USP34: variants seen among roughly 807,000 people sequenced by gnomAD.
The protein encoded by USP34 is ubiquitin carboxyl-terminal hydrolase 34.
A neutral mutation model predicts 460.3 loss-of-function variants in USP34; 70 were observed. The ratio of observed to expected loss-of-function variants is 0.15; its 90% CI spans 0.13 to 0.19. The LOEUF (loss-of-function observed/expected upper bound fraction) is 0.19, where lower values mean the gene tolerates loss of function less well. USP34 is among the 10% of genes least tolerant of loss of function. USP34 has a pLI of 1.00. For missense variants in USP34, 3,985 were observed against 4,236.2 expected (o/e 0.94, Z 1.65); for synonymous variants, 1,647 against 1,405.3 (o/e 1.17, Z -3.85).
intron 10 of USP34, among the ~76,000 whole-genome samples, chr2:61,360,599 T>C (rs1434819910): frequency 6.6e-6 from 1 of 152,232 alleles, no homozygotes; most frequent in Non-Finnish European, 1.5e-5. Flanking sequence ...AAAAATATCA[T>C]TAAAAGTCCA....
intron 2 of USP34, among the ~76,000 whole-genome samples, chr2:61,406,690 T>A (rs1475691665): frequency 1.5e-5 from 2 of 135,648 alleles, no homozygotes; most frequent in Non-Finnish European, 3.1e-5. Context: ...TAAAAAAAAA[T>A]ATATGTGTAT....
At chr2:61,273,831 T>C (rs1455096665) in intron 41 of USP34, among the ~76,000 whole-genome samples, 2 of 152,020 alleles carry the variant, frequency 1.3e-5, no homozygotes, top group African/African-American at 4.8e-5. Context: ...GAAATACATA[T>C]GGTAGTTTAT....
At chr2:61,429,318 G>C (rs1278546826) in intron 1 of USP34, among the ~76,000 whole-genome samples, 1 of 152,090 alleles carries the variant, frequency 6.6e-6, no homozygotes, top group African/African-American at 2.4e-5. Flanking sequence ...ATGGTGGTGG[G>C]CACCTGTAGT....
chr2:61,294,369 A>ACG (rs1689958544), intron 32 of USP34, among the ~76,000 whole-genome samples: 1 of 151,670 alleles, frequency 6.6e-6, no homozygotes, highest in African/African-American at 2.4e-5. Context: ...TTATACACAC[A>ACG]CACACGAAAA....
At chr2:61,413,209 C>T (rs1694094522) in intron 2 of USP34, among the ~76,000 whole-genome samples, 4 of 151,830 alleles carry the variant, frequency 2.6e-5, no homozygotes, top group Admixed American at 2.6e-4. Context: ...TCCTGGCCAA[C>T]ACGGTGAAAC....
chr2:61,454,910 A>C (rs1419461918), intron 1 of USP34, among the ~76,000 whole-genome samples: 1 of 126,932 alleles, frequency 7.9e-6, no homozygotes, highest in Non-Finnish European at 1.6e-5. Context: ...GATGAGTCTC[A>C]CTAGTCGCCC....
At chr2:61,346,909 G>T (rs547334818) in intron 15 of USP34, among the ~76,000 whole-genome samples, 2 of 150,936 alleles carry the variant, frequency 1.3e-5, no homozygotes, top group Non-Finnish European at 2.9e-5. Context: ...AGGCCGAGGC[G>T]GGCAGATCAT....
intron 75 of USP34, among the ~76,000 whole-genome samples, chr2:61,202,551 T>A (rs1687005278): frequency 6.6e-6 from 1 of 152,214 alleles, no homozygotes; most frequent in South Asian, 2.1e-4. Context: ...GCAGAGACAA[T>A]ATTACTAAAG....
At chr2:61,416,586 T>G (rs1046185548) in intron 2 of USP34, among the ~76,000 whole-genome samples, 5 of 152,148 alleles carry the variant, frequency 3.3e-5, no homozygotes, top group Admixed American at 2.0e-4. Context: ...AATCAACACT[T>G]AACAACATGA....
At position 61,257,119 on chromosome 2, in the gene USP34, A is replaced by C. The variant is rs1435026984; in HGVS notation, c.5992-11T>G. On this transcript the variant is annotated splice_polypyrimidine_tract_variant and intron_variant, in intron 45 of 79. Transcript: ENST00000398571. ...TTTGACGGTATTTTTCTTTAATATA[A>C]AACAAACAAAAAATAAGAAACTAGT... is the stretch of plus-strand genomic sequence containing the variant. 1 of 1,573,044 alleles carries C rather than the reference A, an allele frequency of 6.4e-7. No homozygotes were observed. The highest frequency in any genetic ancestry group is 8.6e-7 in the Non-Finnish European group (1 of 1,165,258).
chr2:61,195,969 C>G (rs910702356), intron 75 of USP34, among the ~76,000 whole-genome samples: 1 of 151,574 alleles, frequency 6.6e-6, no homozygotes, highest in Non-Finnish European at 1.5e-5. Context: ...GACAGTGGCA[C>G]GATCTCAGCT....
Position 61,241,778 on chromosome 2 carries a change from G to C in USP34, c.6669C>G (p.Phe2223Leu). The part of the protein sequence containing the change: ...YDSVTDKFMD[F>L]SFEKTHSAYM... Reference sequence around the variant, plus strand: ...AAAAAATGGTTACCTTTTCAAAAGAGAAGTCCATAAATTTATCTGTAACAG... The same window carrying C: ...AAAAAATGGTTACCTTTTCAAAAGACAAGTCCATAAATTTATCTGTAACAG... Residue 2223 changes from phenylalanine (F) to leucine (L), a missense_variant, in exon 52 of 80, where the codon TTC (phenylalanine) becomes TTG (leucine). Phe to Leu is a conservative substitution (Grantham distance 22). Transcript: ENST00000398571. 6.5e-7 allele frequency: 1 copy of C among 1,536,036 alleles called. No individual in the cohort carries two copies. Among genetic ancestry groups the C allele is most frequent in the Non-Finnish European group, 8.8e-7 (1 of 1,136,690 alleles).
intron 10 of USP34, among the ~76,000 whole-genome samples, chr2:61,358,548 C>T (rs1466336696): frequency 1.3e-5 from 2 of 152,088 alleles, no homozygotes; most frequent in African/African-American, 4.8e-5. Context: ...ACATATTTCC[C>T]CCTAAGATCA....
intron 1 of USP34, among the ~76,000 whole-genome samples, chr2:61,448,332 G>A (rs1037350508): frequency 6.6e-6 from 1 of 152,148 alleles, no homozygotes; most frequent in Admixed American, 6.5e-5. Flanking sequence ...ATTTAGCCTG[G>A]TGTGGTGGCA....
chr2:61,432,311 A>C (rs896488912), intron 1 of USP34, among the ~76,000 whole-genome samples: 2 of 151,866 alleles, frequency 1.3e-5, no homozygotes, highest in Non-Finnish European at 2.9e-5. Flanking sequence ...CCATCTCTAC[A>C]AAAAAAAGAC....
chr2:61,284,292 A>T (rs905192850), intron 35 of USP34, among the ~76,000 whole-genome samples: 4 of 152,194 alleles, frequency 2.6e-5, no homozygotes, highest in Non-Finnish European at 4.4e-5. Context: ...ATCTGAATCT[A>T]ATCATGAAGG....
intron 1 of USP34, among the ~76,000 whole-genome samples, chr2:61,425,445 G>A (rs1694484239): frequency 6.6e-6 from 1 of 152,122 alleles, no homozygotes; most frequent in Non-Finnish European, 1.5e-5. Context: ...TCTCGGTGCT[G>A]AGGGAGGGAC....
chr2:61,307,195 C>T (rs1690437017), intron 27 of USP34, among the ~76,000 whole-genome samples: 1 of 151,834 alleles, frequency 6.6e-6, no homozygotes, highest in Non-Finnish European at 1.5e-5. Context: ...AACCATCATT[C>T]TCAGCAAACT....
rs746448139 is a variant in USP34 at position 61,293,423 on chromosome 2, A to G, written c.4548+41T>C. ...ATGAAATGGAAGTATTTCAAATGGGATAACTACTGTAACTAGTTGAAACCA... is the reference window on the plus strand; with the variant it reads ...ATGAAATGGAAGTATTTCAAATGGGGTAACTACTGTAACTAGTTGAAACCA... On this transcript the variant is annotated intron_variant, in intron 33 of 79. Coordinates refer to ENST00000398571, the MANE Select transcript of USP34 (RefSeq NM_014709.4). 6.1e-6 allele frequency: 9 copies of G among 1,469,808 alleles called. No individual in the cohort carries two copies. The South Asian group carries it at 8.5e-5, about 14-fold the overall frequency. 91.0% of individuals were successfully genotyped at this position (1,469,808 alleles called of 1,614,324 possible).
Sources: gnomAD v4.1 joint callset for allele counts (sites outside exome capture counted in the v4.1 genomes callset) on GRCh38, gnomAD v4.1.1 for gene constraint, MANE v1.5 for transcripts, NCBI Gene and HGNC (gene_info 2026-07-23, HGNC 2026-07-21) for gene names.